CDKN2AIPNL: variants seen among roughly 807,000 people sequenced by gnomAD.
The protein encoded by CDKN2AIPNL is CDKN2AIP N-terminal-like protein.
In CDKN2AIPNL, 9 loss-of-function variants were observed where a neutral mutation model predicts 12.9. The ratio of observed to expected loss-of-function variants is 0.70; its 90% confidence interval spans 0.42 to 1.22. The LOEUF (loss-of-function observed/expected upper bound fraction) is 1.22. Ranked by LOEUF, CDKN2AIPNL falls within the 50% of genes most tolerant of loss-of-function variation. The pLI is 0.00. For synonymous variants in CDKN2AIPNL, 53 were observed against 61.7 expected (o/e 0.86, Z 0.66); for missense variants, 143 against 153.6 (o/e 0.93, Z 0.37).
intron 2 of CDKN2AIPNL, among the ~76,000 whole-genome samples, chr5:134,407,729 T>C (rs933466384): frequency 4.7e-5 from 7 of 149,512 alleles, no homozygotes; most frequent in African/African-American, 1.7e-4. Flanking sequence ...AGCTGAACCA[T>C]TGCACTCCAG....
intron 2 of CDKN2AIPNL, among the ~76,000 whole-genome samples, chr5:134,403,511 C>T (rs1375378135): frequency 6.6e-6 from 1 of 152,158 alleles, no homozygotes; most frequent in Non-Finnish European, 1.5e-5. Context: ...TGGCTGTCAC[C>T]TTGTATTTGA....
chr5:134,403,435 TA>T (rs2149696682), intron 2 of CDKN2AIPNL, among the ~76,000 whole-genome samples: 1 of 152,366 alleles, frequency 6.6e-6, no homozygotes, highest in East Asian at 1.9e-4. Flanking sequence ...GGTTACTCTC[TA>T]GCACCTTTGG....
At chr5:134,405,573 T>G (rs1197781801) in intron 2 of CDKN2AIPNL, among the ~76,000 whole-genome samples, 1 of 151,196 alleles carries the variant, frequency 6.6e-6, no homozygotes, top group African/African-American at 2.4e-5. Flanking sequence ...CGTGCCACCA[T>G]GCCCAGCTAA....
At chr5:134,408,712 C>CA (rs1171280569) in intron 2 of CDKN2AIPNL, among the ~76,000 whole-genome samples, 1 of 151,696 alleles carries the variant, frequency 6.6e-6, no homozygotes, top group Admixed American at 6.6e-5. Flanking sequence ...CAAACAAAAA[C>CA]AAAAAAACAG....
chr5:134,408,513 C>CAAAAAAAAAAAAAAAAA (rs59056879), intron 2 of CDKN2AIPNL, among the ~76,000 whole-genome samples: 2 of 112,696 alleles, frequency 1.8e-5, no homozygotes, highest in African/African-American at 6.9e-5. Flanking sequence ...ACTAAAAATA[C>CAAAAAAAAAAAAAAAAA]AAAAAAAAAA....
At position 134,409,159 on chromosome 5, in the gene CDKN2AIPNL, A is replaced by G. The variant is rs560791065; in HGVS notation, c.339+744T>C. Among the ~76,000 whole-genome samples the G allele has an allele frequency of 2.0e-5, 3 of 152,372 alleles. No homozygotes were observed. In the East Asian group the frequency reaches 5.8e-4, roughly 29 times the overall value. On this transcript the variant is annotated intron_variant, in intron 2 of 2. Transcript: ENST00000458198. ...GGTTTGGGAGTTGTAAAGACTAAATAGAACTTTAGACACCATCTGTAAGGT... is the reference window on the plus strand; with the variant it reads ...GGTTTGGGAGTTGTAAAGACTAAATGGAACTTTAGACACCATCTGTAAGGT...
chr5:134,405,826 T>G (rs922984793), intron 2 of CDKN2AIPNL, among the ~76,000 whole-genome samples: 2 of 152,208 alleles, frequency 1.3e-5, no homozygotes, highest in African/African-American at 4.8e-5. Context: ...TCAATAATGA[T>G]AGCTTCCTAG....
At chr5:134,407,340 T>C (rs971880273) in intron 2 of CDKN2AIPNL, among the ~76,000 whole-genome samples, 6 of 151,274 alleles carry the variant, frequency 4.0e-5, no homozygotes, top group African/African-American at 1.5e-4. Flanking sequence ...GTGCCAAACC[T>C]CCTTAGTCTC....
chr5:134,409,581 A>AT (rs762774623), intron 2 of CDKN2AIPNL, among the ~76,000 whole-genome samples: 7 of 151,596 alleles, frequency 4.6e-5, no homozygotes, highest in Non-Finnish European at 8.8e-5. Context: ...TACCAATGAG[A>AT]TTTTTTAACA....
At chr5:134,408,633 C>T (rs758279998) in intron 2 of CDKN2AIPNL, among the ~76,000 whole-genome samples, 17 of 151,686 alleles carry the variant, frequency 1.1e-4, no homozygotes, top group Non-Finnish European at 2.5e-4. Flanking sequence ...TGCAGTGAGC[C>T]CAGATCGCAC....
rs1454136737 is a variant in CDKN2AIPNL at position 134,411,693 on chromosome 5, C to A, written c.162G>T (p.Pro54=). 6.2e-7 allele frequency: 1 copy of A among 1,612,862 alleles called. No homozygotes were observed. The highest frequency in any genetic ancestry group is 8.5e-7 in the Non-Finnish European group (1 of 1,179,768). ...GGTCCAGGCGGCCACTGCCGTCGGG[C>A]GGGTCGCGGTAGTCGGGCAGGTGGC... ...ILRHLPDYRD[P]PDGSGRLDQL... The change falls in exon 1 of 3, where the codon CCG becomes CCT. Residue 54 remains proline (P), a synonymous_variant. Coordinates refer to ENST00000458198, the MANE Select transcript of CDKN2AIPNL (RefSeq NM_080656.3).
intron 2 of CDKN2AIPNL, among the ~76,000 whole-genome samples, chr5:134,407,256 A>AACACACACACACACAC (rs5871539): frequency 9.4e-4 from 131 of 139,704 alleles, no homozygotes; most frequent in East Asian, 1.5e-3. Flanking sequence ...GACCCTTCCT[A>AACACACACACACACAC]ACACACACAC....
At position 134,411,823 on chromosome 5, in the gene CDKN2AIPNL, T is replaced by C. The variant is rs1372999095; in HGVS notation, c.32A>G (p.Glu11Gly). The C allele has an allele frequency of 6.3e-7, 1 of 1,591,492 alleles. No individual in the cohort carries two copies. The highest frequency in any genetic ancestry group is 1.4e-5 in the African/African-American group (1 of 74,002). The change falls in exon 1 of 3, where the codon GAG (glutamate) becomes GGG (glycine). Residue 11 changes from glutamate to glycine, a missense_variant. By Grantham distance (98) the Glu-to-Gly change is moderately conservative (BLOSUM62 -2). This residue lies in a region of CDKN2AIPNL where 30 missense variants were observed against 25.2 expected (regional missense o/e 1.19). Transcript: ENST00000458198. MVGGEAAAAVEELVSGVRQAA... is the reference protein window; with the variant it reads MVGGEAAAAVGELVSGVRQAA... Reference sequence around the variant, plus strand: ...CTGCCGCACCCCCGAAACCAGCTCCTCCACTGCGGCAGCCGCCTCGCCACC... The same window carrying C: ...CTGCCGCACCCCCGAAACCAGCTCCCCCACTGCGGCAGCCGCCTCGCCACC...
Position 134,411,844 on chromosome 5 carries a change from C to T in CDKN2AIPNL, c.11G>A (p.Gly4Asp), listed in dbSNP as rs1247275253. 1 of 1,566,152 alleles carries T rather than the reference C, an allele frequency of 6.4e-7. No homozygotes were observed. Among genetic ancestry groups the T allele is most frequent in the East Asian group, 2.4e-5 (1 of 41,606 alleles). ...CTCCTCCACTGCGGCAGCCGCCTCG[C>T]CACCGACCATGGTGCCCGCCGCAGC... The part of the protein sequence containing the change: MVG[G>D]EAAAAVEELV... Residue 4 changes from glycine (G) to aspartate (D), a missense_variant, in exon 1 of 3, where the codon GGC becomes GAC. Physicochemically the swap from Gly to Asp is moderately conservative, Grantham distance 94. Transcript: ENST00000458198.
chr5:134,411,232 C>T, intron 1 of CDKN2AIPNL: 1 of 646,590 alleles, frequency 1.5e-6, no homozygotes, highest in Non-Finnish European at 2.8e-6. Flanking sequence ...ATCTCCGTTT[C>T]TCTCTCTGCA....
chr5:134,410,788 C>T (rs1759179561), intron 1 of CDKN2AIPNL: 1 of 546,764 alleles, frequency 1.8e-6, no homozygotes, highest in African/African-American at 1.9e-5. Flanking sequence ...GCCAAATGAC[C>T]AGAGTCAGGC....
Position 134,402,201 on chromosome 5 carries a change from G to C in CDKN2AIPNL, c.*714C>G, listed in dbSNP as rs987616965. On this transcript the variant is annotated 3_prime_UTR_variant, in exon 3 of 3. Coordinates refer to ENST00000458198, the MANE Select transcript of CDKN2AIPNL (RefSeq NM_080656.3). ...AACCTCCACCTCCCAGGTTCAAGCA[G>C]TTCTTCTGCTTCAGCCTCCTGAGTA... 7.2e-5 allele frequency: 11 copies of C among 152,078 alleles called. No individual in the cohort carries two copies. The highest frequency in any genetic ancestry group is 2.7e-4 in the African/African-American group (11 of 41,374). 9.4% of individuals were successfully genotyped at this position (152,078 alleles called of 1,614,324 possible).
rs761439735 is a variant in CDKN2AIPNL at position 134,402,892 on chromosome 5, G to A, written c.*23C>T. The A allele has an allele frequency of 1.9e-6, 3 of 1,607,546 alleles. No homozygotes were observed. Among genetic ancestry groups the A allele is most frequent in the Non-Finnish European group, 2.5e-6 (3 of 1,177,806 alleles). ...CCTTTCTAATCCTGTAGCTGATGAT[G>A]AAAATGTGATAAATCTTCTGGCTTA... On this transcript the variant is annotated 3_prime_UTR_variant, in exon 3 of 3. Coordinates refer to ENST00000458198, the MANE Select transcript of CDKN2AIPNL (RefSeq NM_080656.3).
In CDKN2AIPNL at chr5:134,411,208, T is replaced by G. The variant is rs1759185875; in HGVS notation, c.239+408A>C. 6.0e-6 allele frequency: 4 copies of G among 665,928 alleles called. No individual in the cohort carries two copies. The East Asian group carries it at 1.1e-4, about 18-fold the overall frequency. 41.3% of individuals were successfully genotyped at this position (665,928 alleles called of 1,614,324 possible). ...TCACTTCTCTCCCTAAGCTTTTTCA[T>G]CTGTAAAATGGGGATCTCCGTTTCT... is the stretch of plus-strand genomic sequence containing the variant. On this transcript the variant is annotated intron_variant, in intron 1 of 2. Transcript: ENST00000458198.
Sources: gnomAD v4.1 joint callset for allele counts (sites outside exome capture counted in the v4.1 genomes callset) on GRCh38, gnomAD v4.1.1 for gene constraint, gnomAD v4.1.1 regional missense constraint, MANE v1.5 for transcripts, NCBI Gene and HGNC (gene_info 2026-07-23, HGNC 2026-07-21) for gene names.